COL25A1: variants seen among roughly 807,000 people sequenced by gnomAD.
The protein encoded by COL25A1 is collagen type XXV alpha 1 chain.
In COL25A1, 103 loss-of-function variants were observed where a neutral mutation model predicts 128.4. The observed-to-expected ratio is 0.80, with a 90% CI of 0.68 to 0.94. The LOEUF is 0.94. Among genes scored for constraint, COL25A1 ranks in the 40% least tolerant of loss-of-function variants. The pLI, the probability that COL25A1 is intolerant of heterozygous loss-of-function variation, is 0.00. For missense variants in COL25A1, 745 were observed against 840.0 expected, an observed-to-expected ratio of 0.89 and a Z score of 1.40; for synonymous variants, 279 against 277.2, an observed-to-expected ratio of 1.01 and a Z score of -0.06.
At chr4:109,218,357 G>GTTTTTTTTTTTGTTGTTT in intron 3 of COL25A1, among the ~76,000 whole-genome samples, 1 of 73,530 alleles carries the variant, frequency 1.4e-5, no homozygotes, top group Admixed American at 2.1e-4. Flanking sequence ...GTTTTTTGGG[G>GTTTTTTTTTTTGTTGTTT]TTTTTTTTTT....
chr4:109,180,028 C>T lies in COL25A1; in HGVS notation c.367+120555G>A, dbSNP rs532898051. 9.2e-5 allele frequency among the ~76,000 whole-genome samples: 14 copies of T among 152,274 alleles called. No homozygotes were observed. The South Asian group carries it at 2.7e-3, about 29-fold the overall frequency. ...ATGTTAACACTCTGCTTCTAGTATACATCAATGTTGTTAGAAGCATAAATA... is the reference window on the plus strand; with the variant it reads ...ATGTTAACACTCTGCTTCTAGTATATATCAATGTTGTTAGAAGCATAAATA... On this transcript the variant is annotated intron_variant, in intron 3 of 37. Coordinates refer to ENST00000399132, the MANE Select transcript of COL25A1 (RefSeq NM_198721.4).
At chr4:109,151,907 T>C (rs1771537505) in intron 3 of COL25A1, among the ~76,000 whole-genome samples, 1 of 152,186 alleles carries the variant, frequency 6.6e-6, no homozygotes. Context: ...TTACAATGAA[T>C]CGTCTGTGCT....
At chr4:108,951,937 C>T (rs1198023471) in intron 8 of COL25A1, among the ~76,000 whole-genome samples, 1 of 152,094 alleles carries the variant, frequency 6.6e-6, no homozygotes, top group Non-Finnish European at 1.5e-5. Context: ...AGTTCTGAAA[C>T]ACACTTGACT....
chr4:108,962,356 T>G (rs1401203156), intron 8 of COL25A1, among the ~76,000 whole-genome samples: 1 of 152,080 alleles, frequency 6.6e-6, no homozygotes, highest in African/African-American at 2.4e-5. Context: ...AGTTTTTGTA[T>G]TTTCAGTAGA....
chr4:109,123,151 G>A (rs549461379), intron 3 of COL25A1, among the ~76,000 whole-genome samples: 2 of 151,974 alleles, frequency 1.3e-5, no homozygotes, highest in South Asian at 4.2e-4. Flanking sequence ...CAAGTGTAGG[G>A]CAGAATATTC....
chr4:109,045,201 T>C (rs569210965), intron 5 of COL25A1, among the ~76,000 whole-genome samples: 1 of 152,202 alleles, frequency 6.6e-6, no homozygotes, highest in Non-Finnish European at 1.5e-5. Flanking sequence ...TGTATATTAA[T>C]TAACCATTTG....
At chr4:109,263,064 G>A (rs141634759) in intron 3 of COL25A1, among the ~76,000 whole-genome samples, 3,887 of 152,222 alleles carry the variant, frequency 0.026, 176 homozygotes, top group African/African-American at 0.085. Context: ...GGGAAACTGA[G>A]GTTGCAGTGA....
intron 14 of COL25A1, among the ~76,000 whole-genome samples, chr4:108,900,757 G>C (rs1269957033): frequency 4.6e-5 from 7 of 152,000 alleles, no homozygotes; most frequent in African/African-American, 1.4e-4. Flanking sequence ...CTTTAGTAAG[G>C]CATGTAAATA....
At chr4:109,071,743 A>G (rs1380378832) in intron 3 of COL25A1, among the ~76,000 whole-genome samples, 6 of 152,206 alleles carry the variant, frequency 3.9e-5, no homozygotes, top group African/African-American at 1.4e-4. Flanking sequence ...CAAAACCACA[A>G]TGAGATACCA....
At chr4:109,163,744 C>A (rs1772805627) in intron 3 of COL25A1, among the ~76,000 whole-genome samples, 1 of 152,228 alleles carries the variant, frequency 6.6e-6, no homozygotes, top group South Asian at 2.1e-4. Flanking sequence ...ATATCAGGTT[C>A]ATTATGAGAA....
intron 3 of COL25A1, among the ~76,000 whole-genome samples, chr4:109,279,712 G>A (rs1319871837): frequency 6.6e-6 from 1 of 152,176 alleles, no homozygotes; most frequent in Non-Finnish European, 1.5e-5. Context: ...TACACGTGTT[G>A]AAAAGCTTTT....
intron 3 of COL25A1, among the ~76,000 whole-genome samples, chr4:109,251,480 T>A (rs1780642001): frequency 6.6e-6 from 1 of 152,180 alleles, no homozygotes; most frequent in Non-Finnish European, 1.5e-5. Context: ...CTATATGCCA[T>A]ACACACTCCT....
chr4:109,127,659 C>T (rs759209974), intron 3 of COL25A1, among the ~76,000 whole-genome samples: 5 of 151,750 alleles, frequency 3.3e-5, no homozygotes, highest in African/African-American at 4.8e-5. Flanking sequence ...TTAGATTCCA[C>T]GTTAGTAAAG....
intron 3 of COL25A1, among the ~76,000 whole-genome samples, chr4:109,237,319 G>A (rs1779540729): frequency 1.3e-5 from 2 of 152,008 alleles, no homozygotes; most frequent in Admixed American, 1.3e-4. Context: ...GAAAGGAAGG[G>A]CAATTTGTCT....
intron 3 of COL25A1, among the ~76,000 whole-genome samples, chr4:109,226,560 G>A (rs540440294): frequency 4.6e-5 from 7 of 151,992 alleles, no homozygotes; most frequent in East Asian, 1.9e-4. Flanking sequence ...TTAGGGGTGC[G>A]GGCCATAATC....
At chr4:109,032,806 G>C (rs1758992384) in intron 5 of COL25A1, among the ~76,000 whole-genome samples, 1 of 152,152 alleles carries the variant, frequency 6.6e-6, no homozygotes, top group Admixed American at 6.5e-5. Flanking sequence ...CTAAATAACT[G>C]CTGAGGGATG....
intron 3 of COL25A1, among the ~76,000 whole-genome samples, chr4:109,273,270 A>G (rs780888307): frequency 6.6e-6 from 1 of 152,208 alleles, no homozygotes; most frequent in Non-Finnish European, 1.5e-5. Flanking sequence ...AAATCTTCCA[A>G]TAAAAAGTAA....
At chr4:109,166,138 G>A (rs78814728) in intron 3 of COL25A1, among the ~76,000 whole-genome samples, 1 of 152,286 alleles carries the variant, frequency 6.6e-6, no homozygotes, top group Non-Finnish European at 1.5e-5. Flanking sequence ...ACCAATGTAA[G>A]TTGTCTATGA....
At chr4:109,102,598 G>T (rs920024307) in intron 3 of COL25A1, among the ~76,000 whole-genome samples, 32 of 152,052 alleles carry the variant, frequency 2.1e-4, no homozygotes, top group African/African-American at 7.2e-4. Flanking sequence ...AGGATGTTGA[G>T]ATCTCTGACT....
Sources: allele counts gnomAD v4.1 joint callset (sites outside exome capture counted in the v4.1 genomes callset), GRCh38; gene constraint gnomAD v4.1.1; transcripts MANE v1.5; gene names NCBI Gene and HGNC (gene_info 2026-07-23, HGNC 2026-07-21).